DDX23: variants seen among roughly 807,000 people sequenced by gnomAD.
DDX23 encodes the protein DEAD-box helicase 23.
DDX23 carries 33 observed loss-of-function variants against 102.7 expected under a neutral mutation model. The observed-to-expected ratio is 0.32, with a 90% CI of 0.24 to 0.43. The LOEUF is 0.43. Ranked by LOEUF, DDX23 falls within the 20% of genes least tolerant of loss-of-function variation. The pLI is 1.00. For synonymous variants in DDX23, 352 were observed against 376.0 expected, an observed-to-expected ratio of 0.94 and a Z score of 0.74; for missense variants, 549 against 1,086.6, an observed-to-expected ratio of 0.51 and a Z score of 6.96.
chr12:48,830,491 C>T lies in DDX23; in HGVS notation c.2441G>A (p.Arg814Gln), dbSNP rs778352588. The change falls in exon 17 of 17, where the codon CGG becomes CAG. Residue 814 changes from arginine (R) to glutamine (Q), a missense_variant. Physicochemically the swap from Arg to Gln is conservative, Grantham distance 43. Around this residue, in one of 4 missense-constraint regions of DDX23, gnomAD observed 38 missense variants for 94.5 expected, o/e 0.40. Coordinates refer to ENST00000308025, the MANE Select transcript of DDX23 (RefSeq NM_004818.3). This position sits in a 1 kb window ranked among gnomAD's most constrained non-coding sequence, Gnocchi z 4.9. ...GTGTCAGGCAAAGATGGTCTCTTCC[C>T]GGCGCTTCTTGGTGAGGATGGTGCC... ...KPGTILTKKR[R>Q]EETIFA 9 of 1,613,774 alleles carry T rather than the reference C, an allele frequency of 5.6e-6. No homozygotes were observed. The highest frequency in any genetic ancestry group is 2.2e-5 in the South Asian group (2 of 91,044).
At position 48,837,042 on chromosome 12, in the gene DDX23, G is replaced by C. The variant is rs1390515529; in HGVS notation, c.867-5C>G. On this transcript the variant is annotated splice_region_variant and splice_polypyrimidine_tract_variant and intron_variant, in intron 8 of 16. Transcript: ENST00000308025. ...ACCTGGTGCCGTTCTTTGTACCTGG[G>C]ATTGAGATAGAGGAAAAGAAAAAAG... 4.3e-6 allele frequency: 7 copies of C among 1,613,772 alleles called. No individual in the cohort carries two copies. The highest frequency in any genetic ancestry group is 1.3e-5 in the African/African-American group (1 of 74,896).
chr12:48,844,098 T>C lies in DDX23; in HGVS notation c.210-48A>G. The C allele has an allele frequency of 3.2e-6, 5 of 1,574,212 alleles. No homozygotes were observed. The African/African-American group carries it at 4.0e-5, about 13-fold the overall frequency. ...GTTCACTTGGTATTTCCAAAGTATC[T>C]TGCTTCACTGCAGCCCTGAGAAAGT... On this transcript the variant is annotated intron_variant, in intron 2 of 16. Transcript: ENST00000308025.
intron 2 of DDX23, among the ~76,000 whole-genome samples, 164 bp downstream of exon 2, chr12:48,845,410 G>A (rs576907918): frequency 1.4e-4 from 21 of 152,258 alleles, no homozygotes; most frequent in African/African-American, 4.6e-4. Context: ...AGCTGAGATC[G>A]CACCACTGCA....
chr12:48,851,666 T>C (rs1400918119), intron 1 of DDX23, among the ~76,000 whole-genome samples: 1 of 152,094 alleles, frequency 6.6e-6, no homozygotes, highest in Non-Finnish European at 1.5e-5. Flanking sequence ...TTTTAAGATA[T>C]GTAATTAAGG....
rs543513619 is a variant in DDX23 at position 48,843,160 on chromosome 12, C to A, written c.320+780G>T. Among the ~76,000 whole-genome samples the A allele has an allele frequency of 1.8e-4, 27 of 149,608 alleles. 1 individual carries two copies. The highest frequency in any genetic ancestry group is 2.4e-4 in the Non-Finnish European group (16 of 67,352). On this transcript the variant is annotated intron_variant, in intron 3 of 16. Transcript: ENST00000308025. ...CAAGTACCCAGGGACACAAACACTG[C>A]GGAAGGCCGCAGGGTCCTCTGCCTA...
At chr12:48,831,350 A>C (rs1434651794) in intron 15 of DDX23, 34 bp from the exon 16 acceptor site, 1 of 1,610,160 alleles carries the variant, frequency 6.2e-7, no homozygotes, top group Non-Finnish European at 8.5e-7. Flanking sequence ...AGAGTGAGCA[A>C]TGCAATCAAG....
intron 11 of DDX23, 55 bp from the exon 12 acceptor site, chr12:48,834,552 C>G: frequency 6.5e-7 from 1 of 1,532,152 alleles, no homozygotes; most frequent in Non-Finnish European, 8.9e-7. Flanking sequence ...TATCCAACCA[C>G]AAGCCAGAGC....
At chr12:48,835,081 C>CA in intron 11 of DDX23, 1 of 179,718 alleles carries the variant, frequency 5.6e-6, no homozygotes, top group South Asian at 8.5e-5. Context: ...CCTGTTTCTA[C>CA]AAAAAATACA....
intron 1 of DDX23, among the ~76,000 whole-genome samples, chr12:48,849,451 C>G (rs1000079795): frequency 6.6e-6 from 1 of 152,068 alleles, no homozygotes; most frequent in Non-Finnish European, 1.5e-5. Flanking sequence ...ATCATGAGGT[C>G]AGGAGTTCGA....
At chr12:48,842,310 G>A (rs1312579987) in intron 3 of DDX23, among the ~76,000 whole-genome samples, 140 of 135,552 alleles carry the variant, frequency 1.0e-3, no homozygotes, top group Middle Eastern at 4.7e-3. Context: ...CGCCCTGTCC[G>A]GGAGGTGAGG....
chr12:48,848,410 C>G (rs1592205980), intron 1 of DDX23, among the ~76,000 whole-genome samples: 1 of 151,692 alleles, frequency 6.6e-6, no homozygotes, highest in Middle Eastern at 3.4e-3. Context: ...GAAAATAAAA[C>G]AGTGATATGA....
At chr12:48,848,301 C>CAAAAA (rs1162953994) in intron 1 of DDX23, among the ~76,000 whole-genome samples, 4 of 135,626 alleles carry the variant, frequency 2.9e-5, no homozygotes, top group African/African-American at 2.6e-5. Flanking sequence ...CAAAACAAAA[C>CAAAAA]AAAAAACAAA....
In DDX23 at chr12:48,840,070, C is replaced by G. The variant is rs368530340; in HGVS notation, c.357G>C (p.Arg119=). 2.8e-5 allele frequency: 46 copies of G among 1,614,176 alleles called. No individual in the cohort carries two copies. The highest frequency in any genetic ancestry group is 4.0e-5 in the African/African-American group (3 of 75,034). The change falls in exon 4 of 17, where the codon CGG becomes CGC. Residue 119 remains arginine (R), a synonymous_variant. Transcript: ENST00000308025. The part of the protein sequence containing the change: ...SPGRGKDFKS[R]KDRDSKKDEE... ...CATCCTTCTTAGAGTCTCTGTCCTT[C>G]CGAGATTTAAAGTCTTTTCCTCGAC...
intron 5 of DDX23, 123 bp downstream of exon 5, chr12:48,839,721 C>A: frequency 1.0e-6 from 1 of 958,814 alleles, no homozygotes; most frequent in Non-Finnish European, 1.6e-6. Flanking sequence ...TGCTGACACT[C>A]CGCTCTCAGA....
At chr12:48,846,277 A>G (rs1049470396) in intron 1 of DDX23, among the ~76,000 whole-genome samples, 1 of 152,200 alleles carries the variant, frequency 6.6e-6, no homozygotes, top group African/African-American at 2.4e-5. Flanking sequence ...TCCTTTTTAT[A>G]TATTCATTTC....
intron 3 of DDX23, among the ~76,000 whole-genome samples, chr12:48,842,272 G>T (rs1297340940): frequency 1.4e-5 from 2 of 146,944 alleles, no homozygotes; most frequent in Non-Finnish European, 1.5e-5. Context: ...GGAGGGAGGT[G>T]GGGGGGTCAG....
At chr12:48,845,931 A>G in intron 1 of DDX23, 149 bp from the exon 2 acceptor site, 1 of 892,606 alleles carries the variant, frequency 1.1e-6, no homozygotes, top group Non-Finnish European at 1.7e-6. Context: ...CAGGTATATA[A>G]AGGAACTTGT....
chr12:48,836,337 T>C lies in DDX23; in HGVS notation c.1237-71A>G. ...CCACCTGGGCAACCACTGATAGTAG[T>C]AAGCACATCTGCTAGCACAATGGAA... On this transcript the variant is annotated intron_variant, in intron 10 of 16. Coordinates refer to ENST00000308025, the MANE Select transcript of DDX23 (RefSeq NM_004818.3). The surrounding 1 kb of genome is among the most constrained non-coding windows in gnomAD (Gnocchi z 6.1). 6.5e-7 allele frequency: 1 copy of C among 1,538,766 alleles called. No homozygotes were observed. Among genetic ancestry groups the C allele is most frequent in the East Asian group, 2.3e-5 (1 of 44,234 alleles).
intron 3 of DDX23, among the ~76,000 whole-genome samples, chr12:48,842,569 G>T (rs1938582810): frequency 6.7e-6 from 1 of 149,370 alleles, no homozygotes; most frequent in South Asian, 2.1e-4. Flanking sequence ...CCCCCGCCCG[G>T]CCAGCCGCCC....
Sources: allele counts gnomAD v4.1 joint callset (sites outside exome capture counted in the v4.1 genomes callset), GRCh38; gene constraint gnomAD v4.1.1; regional missense constraint gnomAD v4.1.1; non-coding constraint Gnocchi (gnomAD v3.1); transcripts MANE v1.5; gene names NCBI Gene and HGNC (gene_info 2026-07-23, HGNC 2026-07-21).